ECT2: variants seen among roughly 807,000 people sequenced by gnomAD.
ECT2 encodes protein ECT2.
Under a neutral mutation model 116.9 loss-of-function variants are expected in ECT2, and 61 were observed. That is an observed-to-expected ratio of 0.52 (90% CI 0.42 to 0.65). The LOEUF (loss-of-function observed/expected upper bound fraction) is 0.65. Ranked by LOEUF, ECT2 falls within the 30% of genes least tolerant of loss-of-function variation. The pLI, the probability that ECT2 is intolerant of heterozygous loss-of-function variation, is 0.00. For missense variants in ECT2, 937 were observed against 1,078.7 expected (o/e 0.87, Z 1.84); for synonymous variants, 358 against 346.4 (o/e 1.03, Z -0.37).
chr3:172,766,546 G>A (rs1719429366), intron 12 of ECT2, among the ~76,000 whole-genome samples: 1 of 152,228 alleles, frequency 6.6e-6, no homozygotes, highest in Admixed American at 6.5e-5. Flanking sequence ...CTGAACCAGA[G>A]TATGTGGTGG....
chr3:172,792,493 G>A (rs1724866795), intron 18 of ECT2, among the ~76,000 whole-genome samples: 1 of 142,498 alleles, frequency 7.0e-6, no homozygotes, highest in South Asian at 2.2e-4. Context: ...TTTGAGATTA[G>A]TCCTTATTGT....
chr3:172,758,863 T>A lies in ECT2; in HGVS notation c.487-117T>A, dbSNP rs140543463. 5.2e-5 allele frequency: 44 copies of A among 846,858 alleles called. 1 individual carries two copies. The Middle Eastern group carries it at 1.2e-3, about 22-fold the overall frequency. 52.5% of individuals were successfully genotyped at this position (846,858 alleles called of 1,614,324 possible). On this transcript the variant is annotated intron_variant, in intron 5 of 24. Transcript: ENST00000392692. ...CATATTGAAAAAATGCCAGTAAATC[T>A]TTGGATTGGGAAAGTTGAATGGCAA...
intron 14 of ECT2, among the ~76,000 whole-genome samples, chr3:172,775,889 CTCCCA>C (rs1253210185): frequency 6.6e-6 from 1 of 152,142 alleles, no homozygotes; most frequent in Non-Finnish European, 1.5e-5. Context: ...CCGCCTCGAC[CTCCCA>C]AGGTGCTGGG....
chr3:172,804,891 AT>A (rs75486809), intron 20 of ECT2, among the ~76,000 whole-genome samples: 87,369 of 150,800 alleles, frequency 0.58, 25,984 homozygotes, highest in East Asian at 0.85. Context: ...GAATCTATTG[AT>A]TTTTTTTTTG....
At chr3:172,789,057 C>CAAAA (rs71162310) in intron 18 of ECT2, among the ~76,000 whole-genome samples, 15 of 99,508 alleles carry the variant, frequency 1.5e-4, no homozygotes, top group African/African-American at 6.8e-4. Context: ...GACTCTGTCT[C>CAAAA]AAAAAAAAAA....
At chr3:172,754,922 A>T (rs1266650207) in intron 2 of ECT2, among the ~76,000 whole-genome samples, 2 of 152,088 alleles carry the variant, frequency 1.3e-5, no homozygotes, top group Non-Finnish European at 1.5e-5. Flanking sequence ...TAGCTACAGC[A>T]TTATTAGCTA....
At chr3:172,823,040 TAAA>T (rs965430508), downstream of ECT2, among the ~76,000 whole-genome samples, 2 of 150,082 alleles carry the variant, frequency 1.3e-5, no homozygotes, top group African/African-American at 5.1e-5. Context: ...CAAAGTCAAT[TAAA>T]AAATTCTCAC....
chr3:172,789,337 G>A (rs1559987800), intron 18 of ECT2, among the ~76,000 whole-genome samples: 1 of 151,558 alleles, frequency 6.6e-6, no homozygotes, highest in Non-Finnish European at 1.5e-5. Flanking sequence ...TTGAGTAGCC[G>A]GGATTACAGA....
chr3:172,752,486 C>T (rs1477290185), intron 1 of ECT2: 1 of 151,724 alleles, frequency 6.6e-6, no homozygotes, highest in Non-Finnish European at 1.5e-5. Context: ...AGCTCATCTC[C>T]TGACTTTTTT....
intron 22 of ECT2, among the ~76,000 whole-genome samples, chr3:172,814,931 G>A (rs1376033550): frequency 1.3e-5 from 2 of 152,128 alleles, no homozygotes; most frequent in Admixed American, 6.6e-5. Flanking sequence ...CTTTGTGCCT[G>A]TTGACCAATC....
intron 18 of ECT2, chr3:172,796,336 A>C (rs887884105): frequency 2.6e-5 from 4 of 152,194 alleles, no homozygotes; most frequent in South Asian, 2.1e-4. Context: ...TCAGGAGTGC[A>C]TTGATTGATA....
At chr3:172,752,650 T>A (rs887785344) in intron 1 of ECT2, among the ~76,000 whole-genome samples, 1 of 152,246 alleles carries the variant, frequency 6.6e-6, no homozygotes, top group Non-Finnish European at 1.5e-5. Flanking sequence ...ATTGGACCGC[T>A]CCTTTGGAGA....
At chr3:172,817,902 C>T (rs966711491) in intron 24 of ECT2, among the ~76,000 whole-genome samples, 3 of 152,112 alleles carry the variant, frequency 2.0e-5, no homozygotes, top group Non-Finnish European at 4.4e-5. Flanking sequence ...GTGTTCAAAT[C>T]CTTGCTCTGC....
intron 2 of ECT2, 37 bp downstream of exon 2, chr3:172,754,697 A>G: frequency 6.7e-7 from 1 of 1,494,862 alleles, no homozygotes. Context: ...ATCAATTTCT[A>G]TTTTAATTCT....
chr3:172,763,609 C>G (rs1012495056), intron 11 of ECT2, among the ~76,000 whole-genome samples: 2 of 152,044 alleles, frequency 1.3e-5, no homozygotes, highest in African/African-American at 2.4e-5. Context: ...GGAGAGACGT[C>G]ATTAAAAAGA....
chr3:172,798,651 A>C (rs532238785), intron 18 of ECT2, among the ~76,000 whole-genome samples: 1 of 152,310 alleles, frequency 6.6e-6, no homozygotes, highest in South Asian at 2.1e-4. Flanking sequence ...AATCTCTCTC[A>C]AGCTATCTAT....
chr3:172,751,582 G>C (rs1029050988), intron 1 of ECT2, among the ~76,000 whole-genome samples: 7 of 152,198 alleles, frequency 4.6e-5, no homozygotes, highest in Non-Finnish European at 8.8e-5. Flanking sequence ...TAATAGTAAT[G>C]TTATTGTTAA....
chr3:172,786,579 G>A lies in ECT2; in HGVS notation c.1907+5G>A. 1 of 1,587,756 alleles carries A rather than the reference G, an allele frequency of 6.3e-7. No individual in the cohort carries two copies. Among genetic ancestry groups the A allele is most frequent in the Non-Finnish European group, 8.6e-7 (1 of 1,161,954 alleles). Reference sequence around the variant, plus strand: ...ATCACTGAAGGAAGTAATGACGTAAGTGCATTATTTTCAATTTTTGATTGT... The same window carrying A: ...ATCACTGAAGGAAGTAATGACGTAAATGCATTATTTTCAATTTTTGATTGT... On this transcript the variant is annotated splice_donor_5th_base_variant and intron_variant, in intron 18 of 24. Coordinates refer to ENST00000392692, the MANE Select transcript of ECT2 (RefSeq NM_001258315.2).
chr3:172,779,083 T>C (rs1722257997), intron 14 of ECT2, among the ~76,000 whole-genome samples: 2 of 152,204 alleles, frequency 1.3e-5, no homozygotes, highest in African/African-American at 2.4e-5. Flanking sequence ...CAGATAGTTA[T>C]GCTCATAAAA....
Sources: gnomAD v4.1 joint callset for allele counts (sites outside exome capture counted in the v4.1 genomes callset) on GRCh38, gnomAD v4.1.1 for gene constraint, MANE v1.5 for transcripts, NCBI Gene and HGNC (gene_info 2026-07-23, HGNC 2026-07-21) for gene names.